Variants in ALMS1 observed in about 807,000 individuals in gnomAD.
ALMS1 encodes the protein ALMS1 centrosome and basal body associated protein, also known as centrosome-associated protein ALMS1.
Under a neutral mutation model 352.2 loss-of-function variants are expected in ALMS1, and 271 were observed. The observed-to-expected ratio is 0.77, with a 90% CI of 0.70 to 0.85. The LOEUF is 0.85. Among genes scored for constraint, ALMS1 ranks in the 40% least tolerant of loss-of-function variants. The pLI is 0.00. For missense variants in ALMS1, 5,445 were observed against 4,870.7 expected, an observed-to-expected ratio of 1.12 and a Z score of -3.51; for synonymous variants, 1,865 against 1,761.2, an observed-to-expected ratio of 1.06 and a Z score of -1.48.
intron 14 of ALMS1, among the ~76,000 whole-genome samples, chr2:73,558,082 A>G (rs1674581183): frequency 6.6e-6 from 1 of 152,224 alleles, no homozygotes; most frequent in Non-Finnish European, 1.5e-5. Context: ...CTGAGAAGCT[A>G]TATATACCAT....
In ALMS1 at chr2:73,489,651, G is replaced by C. The variant is rs763958360; in HGVS notation, c.7692G>C (p.Arg2564=). Residue 2564 remains arginine (R), a synonymous_variant, in exon 10 of 23, where the codon CGG becomes CGC. Coordinates refer to ENST00000613296, the MANE Select transcript of ALMS1 (RefSeq NM_001378454.1). Reference sequence around the variant, plus strand: ...TCTTCTAGGGTTTACAGAGTCCACGGGGAATGGGATGCAAGCCAGAAGCTG... The same window carrying C: ...TCTTCTAGGGTTTACAGAGTCCACGCGGAATGGGATGCAAGCCAGAAGCTG... ...TDLSKGLQSP[R]GMGCKPEAVC... is the part of the protein sequence containing the mutation. 2 of 1,614,098 alleles carry C rather than the reference G, an allele frequency of 1.2e-6. No homozygotes were observed. The highest frequency in any genetic ancestry group is 2.2e-5 in the East Asian group (1 of 44,888).
chr2:73,603,263 CA>C lies in ALMS1; in HGVS notation c.12323del (p.Lys4108SerfsTer8), dbSNP rs1675739925. On this transcript the variant is annotated frameshift_variant, in exon 21 of 23. Coordinates refer to ENST00000613296, the MANE Select transcript of ALMS1 (RefSeq NM_001378454.1). LOFTEE classifies it high-confidence loss of function. ...KRVFLAIQKN[K>X]PISKKEMIQR... ...TAGTCTTCCTGGCTATCCAGAAGAA[CA>C]AGCCTATCAGCAAGAAGGAAATGAT... 1 of 1,614,038 alleles carries C rather than the reference CA, an allele frequency of 6.2e-7. No homozygotes were observed. Among genetic ancestry groups the C allele is most frequent in the African/African-American group, 1.3e-5 (1 of 74,932 alleles).
Position 73,433,952 on chromosome 2 carries a change from C to T in ALMS1, c.1432+1661C>T, listed in dbSNP as rs577860379. ...TTTCAGTAAGGTTAGTTACAATGCC[C>T]TCTCTTTCATTCCTGATTTTAGTAA... On this transcript the variant is annotated intron_variant, in intron 7 of 22. Transcript: ENST00000613296. Among the ~76,000 whole-genome samples, 4 of 151,468 alleles carry T rather than the reference C, an allele frequency of 2.6e-5. No homozygotes were observed. In the South Asian group the frequency reaches 8.4e-4, roughly 32 times the overall value.
intron 1 of ALMS1, 141 bp downstream of exon 1, chr2:73,386,333 A>G: frequency 8.2e-7 from 1 of 1,215,742 alleles, no homozygotes; most frequent in Non-Finnish European, 1.1e-6. Context: ...CCCAGACTCC[A>G]GCCCAGGTGC....
chr2:73,455,544 C>T (rs953998024), intron 9 of ALMS1, among the ~76,000 whole-genome samples: 3 of 152,162 alleles, frequency 2.0e-5, no homozygotes, highest in African/African-American at 7.2e-5. Context: ...GCTGGGACCA[C>T]ATGTGTGTAC....
At chr2:73,517,731 C>T (rs557274009) in intron 10 of ALMS1, among the ~76,000 whole-genome samples, 2 of 151,832 alleles carry the variant, frequency 1.3e-5, no homozygotes, top group East Asian at 1.9e-4. Flanking sequence ...AATCTCGGTT[C>T]ATTGCAACCC....
In ALMS1 at chr2:73,490,718, C is replaced by T; in HGVS notation, c.8759C>T (p.Ser2920Phe). The T allele has an allele frequency of 6.2e-7, 1 of 1,614,216 alleles. No homozygotes were observed. The highest frequency in any genetic ancestry group is 8.5e-7 in the Non-Finnish European group (1 of 1,180,034). ...HQDYVAPDLP[S>F]CIFLEQRELF... ...GATTATGTAGCTCCAGACCTTCCTT[C>T]TTGCATTTTTCTTGAACAACGAGAA... The change falls in exon 10 of 23, where the codon TCT becomes TTT. Residue 2920 changes from serine to phenylalanine, a missense_variant. Coordinates refer to ENST00000613296, the MANE Select transcript of ALMS1 (RefSeq NM_001378454.1).
intron 7 of ALMS1, among the ~76,000 whole-genome samples, chr2:73,439,869 A>G (rs11679202): frequency 0.061 from 9,325 of 152,196 alleles, 397 homozygotes; most frequent in Admixed American, 0.11. Context: ...TTGGTCTATT[A>G]TGCCTTAAGT....
At chr2:73,599,610 A>G in intron 17 of ALMS1, 89 bp downstream of exon 17, 1 of 1,459,178 alleles carries the variant, frequency 6.9e-7, no homozygotes, top group Non-Finnish European at 9.5e-7. Context: ...ATAATAAAGG[A>G]CATGAAGATA....
At chr2:73,412,003 A>AT (rs556068739) in intron 2 of ALMS1, among the ~76,000 whole-genome samples, 16 of 152,198 alleles carry the variant, frequency 1.1e-4, no homozygotes, top group African/African-American at 3.9e-4. Context: ...TTACAGTGAA[A>AT]TTTTCAAGAG....
intron 9 of ALMS1, among the ~76,000 whole-genome samples, chr2:73,462,503 T>C (rs1282223996): frequency 6.6e-6 from 1 of 152,060 alleles, no homozygotes; most frequent in African/African-American, 2.4e-5. Context: ...TGCAAAAACA[T>C]GCCAAAATGT....
At position 73,572,981 on chromosome 2, in the gene ALMS1, C is replaced by T. The variant is rs747747269; in HGVS notation, c.11104C>T (p.Arg3702Ter). ...LKKSKVLSHH[R>*]AGRSNQIKIE... is the part of the protein sequence containing the mutation. ...AAAAAGCAAGGTGCTTTCTCATCATCGAGCTGGGAGGTCTAATCAAATTAA... is the reference window on the plus strand; with the variant it reads ...AAAAAGCAAGGTGCTTTCTCATCATTGAGCTGGGAGGTCTAATCAAATTAA... The change falls in exon 16 of 23, where the codon CGA becomes TGA. Residue 3702 changes from arginine to a stop codon, truncating the protein, a stop_gained. Transcript: ENST00000613296. LOFTEE classifies it high-confidence loss of function. 3.2e-5 allele frequency: 51 copies of T among 1,614,060 alleles called. No individual in the cohort carries two copies. The highest frequency in any genetic ancestry group is 4.2e-5 in the Non-Finnish European group (49 of 1,179,984).
intron 3 of ALMS1, among the ~76,000 whole-genome samples, chr2:73,419,866 T>G (rs996981249): frequency 1.3e-5 from 2 of 152,170 alleles, no homozygotes; most frequent in African/African-American, 4.8e-5. Context: ...TTTAAGTACT[T>G]TTAAAATCAT....
intron 16 of ALMS1, among the ~76,000 whole-genome samples, chr2:73,582,696 G>A (rs1365004346): frequency 1.3e-5 from 2 of 152,180 alleles, no homozygotes; most frequent in Non-Finnish European, 2.9e-5. Flanking sequence ...CATGTAGCAT[G>A]TTATAGGATT....
chr2:73,391,353 G>C (rs1353015165), intron 1 of ALMS1, among the ~76,000 whole-genome samples: 1 of 143,394 alleles, frequency 7.0e-6, no homozygotes, highest in African/African-American at 2.7e-5. Context: ...GAGTGCAGTG[G>C]CGCAATCTCG....
chr2:73,523,978 A>G (rs1484754222), intron 11 of ALMS1, among the ~76,000 whole-genome samples: 2 of 152,182 alleles, frequency 1.3e-5, no homozygotes, highest in African/African-American at 4.8e-5. Flanking sequence ...TTCGGCCATG[A>G]GAAATGGTAG....
intron 9 of ALMS1, among the ~76,000 whole-genome samples, chr2:73,466,263 A>G (rs1356979176): frequency 6.6e-6 from 1 of 152,150 alleles, no homozygotes; most frequent in Non-Finnish European, 1.5e-5. Flanking sequence ...GACTGGATTA[A>G]GAAAATGTGG....
intron 10 of ALMS1, among the ~76,000 whole-genome samples, chr2:73,517,691 CTT>C (rs1190262936): frequency 1.3e-5 from 2 of 150,346 alleles, no homozygotes; most frequent in African/African-American, 4.9e-5. Flanking sequence ...GAGTTTTGCT[CTT>C]GTTGCCCAAG....
chr2:73,558,831 A>T, intron 14 of ALMS1, 141 bp from the exon 15 acceptor site: 4 of 915,920 alleles, frequency 4.4e-6, no homozygotes, highest in Non-Finnish European at 6.6e-6. Context: ...ATTTTCAATT[A>T]TTTTCTAAAC....
Sources: allele counts gnomAD v4.1 joint callset (sites outside exome capture counted in the v4.1 genomes callset), GRCh38; gene constraint gnomAD v4.1.1; transcripts MANE v1.5; gene names NCBI Gene and HGNC (gene_info 2026-07-23, HGNC 2026-07-21).